LRRC74A: variants seen among roughly 807,000 people sequenced by gnomAD.
LRRC74A encodes leucine-rich repeat-containing protein 74A.
LRRC74A carries 44 observed loss-of-function variants against 57.9 expected under a neutral mutation model. That is an observed-to-expected ratio of 0.76 (90% confidence interval 0.60 to 0.98). LRRC74A has a LOEUF of 0.98. LRRC74A is among the 50% of genes least tolerant of loss of function. LRRC74A has a pLI of 0.00. For missense variants in LRRC74A, 572 were observed against 574.0 expected, an observed-to-expected ratio of 1.00 and a Z score of 0.04; for synonymous variants, 211 against 219.4, an observed-to-expected ratio of 0.96 and a Z score of 0.34.
At chr14:76,838,670 G>T (rs1336205441) in intron 5 of LRRC74A, among the ~76,000 whole-genome samples, 2 of 152,128 alleles carry the variant, frequency 1.3e-5, no homozygotes, top group Non-Finnish European at 2.9e-5. Flanking sequence ...ATATAAAAAA[G>T]AATCCACACT....
intron 2 of LRRC74A, among the ~76,000 whole-genome samples, chr14:76,830,532 G>A (rs72737553): frequency 0.11 from 16,013 of 152,254 alleles, 934 homozygotes; most frequent in East Asian, 0.25. Context: ...TAGGTTTGTC[G>A]TCAATAAAGC....
chr14:76,860,975 T>C, intron 11 of LRRC74A, 136 bp downstream of exon 11: 1 of 795,050 alleles, frequency 1.3e-6, no homozygotes, highest in Non-Finnish European at 1.9e-6. Flanking sequence ...TCTCAGTCCC[T>C]TGGACAGCAG....
At position 76,837,943 on chromosome 14, in the gene LRRC74A, T is replaced by G; in HGVS notation, c.516T>G (p.Ser172Arg). 1.9e-6 allele frequency: 3 copies of G among 1,582,116 alleles called. No homozygotes were observed. Among genetic ancestry groups the G allele is most frequent in the Non-Finnish European group, 2.6e-6 (3 of 1,162,324 alleles). The change falls in exon 5 of 14, where the codon AGT becomes AGG. Residue 172 changes from serine to arginine, a missense_variant. Ser to Arg is a moderately radical substitution (Grantham distance 110). Coordinates refer to ENST00000689127, the MANE Select transcript of LRRC74A (RefSeq NM_001385106.1). ...RIISDFFERN[S>R]SSIWSLELSG... is the part of the protein sequence containing the mutation. ...TCTCAGATTTCTTTGAGAGAAACAG[T>G]TCTTCTATCTGGAGCCTTGAGCTTT...
chr14:76,844,385 T>C, intron 5 of LRRC74A, 38 bp from the exon 6 acceptor site: 1 of 1,594,986 alleles, frequency 6.3e-7, no homozygotes, highest in Non-Finnish European at 8.6e-7. Context: ...GGAGCCATGG[T>C]CTAGCAGTGC....
intron 7 of LRRC74A, 63 bp downstream of exon 7, chr14:76,844,964 C>G (rs1225192157): frequency 1.2e-6 from 1 of 804,316 alleles, no homozygotes; most frequent in Middle Eastern, 2.3e-4. Flanking sequence ...CTTGGCAGAG[C>G]GGAATCTCCC....
chr14:76,845,160 T>C (rs1897039616), intron 7 of LRRC74A, among the ~76,000 whole-genome samples: 1 of 151,970 alleles, frequency 6.6e-6, no homozygotes, highest in Admixed American at 6.6e-5. Context: ...CCTGTCTCTA[T>C]AAAATTTCAA....
chr14:76,856,502 TGCTGGATGGATG>T (rs1377448701), intron 9 of LRRC74A, among the ~76,000 whole-genome samples: 1 of 144,838 alleles, frequency 6.9e-6, no homozygotes, highest in African/African-American at 2.6e-5. Context: ...AATTAATATG[TGCTGGATGGATG>T]GATGGATGGA....
intron 2 of LRRC74A, 151 bp from the exon 3 acceptor site, chr14:76,831,052 C>A: frequency 2.8e-6 from 2 of 716,014 alleles, no homozygotes; most frequent in Non-Finnish European, 4.5e-6. Context: ...GGACTGACTT[C>A]CCAGACAGGA....
rs1332855105 is a variant in LRRC74A at position 76,844,925 on chromosome 14, C to T, written c.676+24C>T. The T allele has an allele frequency of 2.4e-6, 3 of 1,234,962 alleles. No individual in the cohort carries two copies. The East Asian group carries it at 7.0e-5, about 29-fold the overall frequency. 76.5% of individuals were successfully genotyped at this position (1,234,962 alleles called of 1,614,324 possible). On this transcript the variant is annotated intron_variant, in intron 7 of 13. Transcript: ENST00000689127. ...GGGTGAGTCTCCCTGGAGGAAGGGA[C>T]AGCAAAGGGGAGGGATAGGGAAGAA... is the stretch of plus-strand genomic sequence containing the variant.
chr14:76,868,943 CG>C (rs1205606592), intron 13 of LRRC74A, among the ~76,000 whole-genome samples: 1 of 152,212 alleles, frequency 6.6e-6, no homozygotes, highest in African/African-American at 2.4e-5. Flanking sequence ...ATGCACACAG[CG>C]GCTGGCACAG....
Position 76,836,317 on chromosome 14 carries a change from A to G in LRRC74A, c.447+3A>G. The G allele has an allele frequency of 1.9e-6, 3 of 1,595,814 alleles. No individual in the cohort carries two copies. The highest frequency in any genetic ancestry group is 1.7e-6 in the Non-Finnish European group (2 of 1,164,794). On this transcript the variant is annotated splice_donor_region_variant and intron_variant, in intron 4 of 13. Coordinates refer to ENST00000689127, the MANE Select transcript of LRRC74A (RefSeq NM_001385106.1). ...AGAACTACTACCTCCAGGAGATGGT[A>G]CTGTGCCCCCCTGTGCTGGCTCTTA...
At chr14:76,834,649 G>T (rs140252717) in intron 3 of LRRC74A, among the ~76,000 whole-genome samples, 2 of 152,298 alleles carry the variant, frequency 1.3e-5, no homozygotes, top group East Asian at 3.9e-4. Context: ...TTCCCCAGCA[G>T]TGAACACAGA....
At chr14:76,838,065 A>T in intron 5 of LRRC74A, 94 bp downstream of exon 5, 7 of 823,022 alleles carry the variant, frequency 8.5e-6, no homozygotes, top group Non-Finnish European at 1.4e-5. Flanking sequence ...GAACCAGACC[A>T]TGTCCTTCTA....
At chr14:76,838,177 AT>A (rs1218269779) in intron 5 of LRRC74A, among the ~76,000 whole-genome samples, 2 of 152,206 alleles carry the variant, frequency 1.3e-5, no homozygotes, top group Non-Finnish European at 2.9e-5. Context: ...TACAGATGAT[AT>A]ATAAACAATA....
chr14:76,829,144 C>G, intron 2 of LRRC74A: 1 of 1,289,428 alleles, frequency 7.8e-7, no homozygotes, highest in South Asian at 1.2e-5. Flanking sequence ...AAGAGAATGA[C>G]GCTGGTTCCA....
At chr14:76,838,604 T>C (rs569786077) in intron 5 of LRRC74A, among the ~76,000 whole-genome samples, 1 of 152,278 alleles carries the variant, frequency 6.6e-6, no homozygotes, top group East Asian at 1.9e-4. Flanking sequence ...AGCTAACATG[T>C]TCCCTGAATT....
intron 12 of LRRC74A, 121 bp from the exon 13 acceptor site, chr14:76,867,235 T>TGTGGGTGTGTGTGTGTTG: frequency 2.4e-5 from 8 of 332,864 alleles, no homozygotes; most frequent in South Asian, 1.4e-4. Flanking sequence ...GTAGTGTGTG[T>TGTGGGTGTGTGTGTGTTG]GGGGGTGTGT....
intron 3 of LRRC74A, among the ~76,000 whole-genome samples, chr14:76,835,653 G>A (rs1237495759): frequency 6.6e-6 from 1 of 152,140 alleles, no homozygotes; most frequent in Non-Finnish European, 1.5e-5. Context: ...GGGAGGCTAA[G>A]GCAGGAGGAT....
At chr14:76,854,421 A>G (rs1260502058) in intron 9 of LRRC74A, among the ~76,000 whole-genome samples, 1 of 152,228 alleles carries the variant, frequency 6.6e-6, no homozygotes, top group African/African-American at 2.4e-5. Flanking sequence ...CAGCCTGGCC[A>G]ACATGGTGAA....
Sources: gnomAD v4.1 joint callset for allele counts (sites outside exome capture counted in the v4.1 genomes callset) on GRCh38, gnomAD v4.1.1 for gene constraint, MANE v1.5 for transcripts, NCBI Gene and HGNC (gene_info 2026-07-23, HGNC 2026-07-21) for gene names.